The following SCN1A variants were observed in gnomAD, a reference collection of about 807,000 sequenced individuals.
The protein encoded by SCN1A is sodium channel protein type 1 subunit alpha.
SCN1A carries 13 observed loss-of-function variants against 193.7 expected under a neutral mutation model. The ratio of observed to expected loss-of-function variants is 0.07; its 90% confidence interval spans 0.04 to 0.11. The LOEUF is 0.11. Ranked by LOEUF, SCN1A falls within the 10% of genes least tolerant of loss-of-function variation. The pLI is 1.00. For synonymous variants in SCN1A, 781 were observed against 843.6 expected, an observed-to-expected ratio of 0.93 and a Z score of 1.29; for missense variants, 1,432 against 2,451.1, an observed-to-expected ratio of 0.58 and a Z score of 8.78.
intron 19 of SCN1A, among the ~76,000 whole-genome samples, chr2:166,032,764 A>C (rs560505796): frequency 6.6e-6 from 1 of 152,306 alleles, no homozygotes; most frequent in African/African-American, 2.4e-5. Flanking sequence ...ACAGCAATTC[A>C]TGTGGAAAAG....
chr2:166,048,797 A>G (rs751908098), intron 10 of SCN1A, 89 bp downstream of exon 10: 3 of 880,226 alleles, frequency 3.4e-6, no homozygotes, highest in South Asian at 1.4e-5. Flanking sequence ...GTTGGCTGTT[A>G]TCTTCAGTTT....
intron 2 of SCN1A, among the ~76,000 whole-genome samples, chr2:166,110,851 G>A (rs1355491744): frequency 6.6e-6 from 1 of 152,124 alleles, no homozygotes; most frequent in Non-Finnish European, 1.5e-5. Flanking sequence ...TGATCTTGTG[G>A]TAGTGAATAA....
chr2:166,041,138 A>G, intron 16 of SCN1A, 93 bp downstream of exon 16: 4 of 980,272 alleles, frequency 4.1e-6, no homozygotes, highest in Non-Finnish European at 6.6e-6. Flanking sequence ...AGCATGAAGG[A>G]TGGTTGAAAG....
In SCN1A at chr2:166,041,345, G is replaced by C; in HGVS notation, c.2301C>G (p.Asp767Glu). The C allele has an allele frequency of 1.9e-6, 3 of 1,613,512 alleles. No homozygotes were observed. In the East Asian group the frequency reaches 6.7e-5, roughly 36 times the overall value. The change falls in exon 16 of 29, where the codon GAC becomes GAG. Residue 767 changes from aspartate to glutamate, a missense_variant. Around this residue, in one of 18 missense-constraint regions of SCN1A, gnomAD observed 316 missense variants for 362.1 expected, o/e 0.87. Coordinates refer to ENST00000674923, the MANE Select transcript of SCN1A (RefSeq NM_001165963.4). ...TGGTGATGGCCAGGTCAACAAATGG[G>C]TCCATCACAACCAGGTTGACAACAT... Reference protein sequence around the residue: ...VKHVVNLVVMDPFVDLAITIC... With the variant: ...VKHVVNLVVMEPFVDLAITIC...
intron 1 of SCN1A, among the ~76,000 whole-genome samples, chr2:166,142,722 T>G (rs1692138759): frequency 1.3e-5 from 2 of 152,184 alleles, no homozygotes; most frequent in Admixed American, 6.5e-5. Flanking sequence ...GCTGATATGG[T>G]TTGGCCGTGT....
At chr2:166,106,189 A>G (rs975004091) in intron 2 of SCN1A, among the ~76,000 whole-genome samples, 1 of 152,218 alleles carries the variant, frequency 6.6e-6, no homozygotes, top group Non-Finnish European at 1.5e-5. Flanking sequence ...TCCGTCTCAA[A>G]ACAAAAACAA....
intron 2 of SCN1A, among the ~76,000 whole-genome samples, chr2:166,078,812 C>A (rs1685217892): frequency 6.6e-6 from 1 of 151,474 alleles, no homozygotes; most frequent in African/African-American, 2.4e-5. Flanking sequence ...AATAAGCAAA[C>A]AAGAATAACC....
chr2:166,019,279 A>G (rs1011401147), intron 19 of SCN1A, among the ~76,000 whole-genome samples: 2 of 152,192 alleles, frequency 1.3e-5, no homozygotes, highest in African/African-American at 4.8e-5. Flanking sequence ...GCACTTGGAA[A>G]GTTCGCAGGT....
chr2:166,066,679 CTTCT>C (rs1457984158), intron 4 of SCN1A, among the ~76,000 whole-genome samples: 1 of 152,086 alleles, frequency 6.6e-6, no homozygotes, highest in Non-Finnish European at 1.5e-5. Flanking sequence ...CATCAGCTTC[CTTCT>C]GTCTGACACC....
Position 166,062,883 on chromosome 2 carries a change from A to G in SCN1A, c.265-4195T>C, listed in dbSNP as rs1368152893. ...GTTCAACAAAGATTTCATTAATACA[A>G]CTTATCAGGATAACTTTTATTGCAT... On this transcript the variant is annotated intron_variant, in intron 4 of 28. Transcript: ENST00000674923. 5.3e-5 allele frequency among the ~76,000 whole-genome samples: 8 copies of G among 152,246 alleles called. No homozygotes were observed. The South Asian group carries it at 1.7e-3, about 32-fold the overall frequency.
intron 2 of SCN1A, among the ~76,000 whole-genome samples, chr2:166,107,375 G>T (rs374574927): frequency 1.3e-5 from 2 of 151,988 alleles, no homozygotes. Context: ...TCACACAATA[G>T]TTGCTGAATT....
At chr2:166,124,350 A>C (rs1690988165) in intron 2 of SCN1A, among the ~76,000 whole-genome samples, 1 of 151,936 alleles carries the variant, frequency 6.6e-6, no homozygotes, top group Admixed American at 6.6e-5. Context: ...GGAGATCGAG[A>C]CTAGCCGGGC....
At chr2:166,139,779 A>G (rs1692007837) in intron 1 of SCN1A, among the ~76,000 whole-genome samples, 1 of 152,088 alleles carries the variant, frequency 6.6e-6, no homozygotes, top group African/African-American at 2.4e-5. Flanking sequence ...CAAGAACAGT[A>G]TGGGGAAAAC....
chr2:166,080,816 TAATA>T (rs769017809), intron 2 of SCN1A, among the ~76,000 whole-genome samples: 81 of 151,822 alleles, frequency 5.3e-4, no homozygotes, highest in African/African-American at 1.6e-3. Flanking sequence ...AATATACAAA[TAATA>T]AATAAAGATA....
At chr2:166,123,222 G>GAAAAAAAAAAAAAAAAAA (rs1574606639) in intron 2 of SCN1A, among the ~76,000 whole-genome samples, 1 of 49,768 alleles carries the variant, frequency 2.0e-5, no homozygotes, top group Admixed American at 2.9e-4. Context: ...TCATTCATTT[G>GAAAAAAAAAAAAAAAAAA]CAAAAAAAAA....
intron 19 of SCN1A, among the ~76,000 whole-genome samples, chr2:166,027,546 T>C (rs188549248): frequency 6.6e-6 from 1 of 151,708 alleles, no homozygotes; most frequent in East Asian, 1.9e-4. Flanking sequence ...GCATACTTAA[T>C]ATGTGGTCAT....
chr2:166,122,540 A>AT (rs1489281160), intron 2 of SCN1A, among the ~76,000 whole-genome samples: 1 of 152,210 alleles, frequency 6.6e-6, no homozygotes, highest in African/African-American at 2.4e-5. Flanking sequence ...CTTAAAAGAT[A>AT]TATCCCTAGT....
At chr2:166,084,736 T>A (rs551907571) in intron 2 of SCN1A, among the ~76,000 whole-genome samples, 1 of 152,260 alleles carries the variant, frequency 6.6e-6, no homozygotes, top group South Asian at 2.1e-4. Context: ...TCAGGACTCA[T>A]GGTTGTATGG....
chr2:166,147,211 A>C (rs1264367061), intron 1 of SCN1A, among the ~76,000 whole-genome samples: 1 of 152,212 alleles, frequency 6.6e-6, no homozygotes. Context: ...CCTAGAATTT[A>C]GTAGGTACTT....
Sources: allele counts gnomAD v4.1 joint callset (sites outside exome capture counted in the v4.1 genomes callset), GRCh38; gene constraint gnomAD v4.1.1; regional missense constraint gnomAD v4.1.1; transcripts MANE v1.5; gene names NCBI Gene and HGNC (gene_info 2026-07-23, HGNC 2026-07-21).